The following KICS2 variants were observed in gnomAD, a reference collection of about 807,000 sequenced individuals.
The protein encoded by KICS2 is KICSTOR subunit 2.
Under a neutral mutation model 31.4 loss-of-function variants are expected in KICS2, and 13 were observed. The ratio of observed to expected loss-of-function variants is 0.41; its 90% CI spans 0.27 to 0.66. The LOEUF (loss-of-function observed/expected upper bound fraction) is 0.66. Ranked by LOEUF, KICS2 falls within the 30% of genes least tolerant of loss-of-function variation. The pLI, the probability that KICS2 is intolerant of heterozygous loss-of-function variation, is 0.28. For synonymous variants in KICS2, 209 were observed against 214.8 expected, an observed-to-expected ratio of 0.97 and a Z score of 0.24; for missense variants, 455 against 545.4, an observed-to-expected ratio of 0.83 and a Z score of 1.65.
chr12:64,208,995 A>G (rs906543110), intron 2 of KICS2, among the ~76,000 whole-genome samples: 1 of 151,740 alleles, frequency 6.6e-6, no homozygotes, highest in Admixed American at 6.6e-5. Context: ...TTTTATACCC[A>G]CAAACAATAA....
chr12:64,200,786 T>C (rs1305616317), intron 2 of KICS2, among the ~76,000 whole-genome samples: 1 of 64,312 alleles, frequency 1.6e-5, no homozygotes, highest in Non-Finnish European at 3.1e-5. Flanking sequence ...CATCAAAAAG[T>C]TGGCGAAGGA....
chr12:64,203,898 G>A (rs1051304495), intron 2 of KICS2, among the ~76,000 whole-genome samples: 20 of 152,170 alleles, frequency 1.3e-4, no homozygotes, highest in African/African-American at 4.6e-4. Context: ...GTGAGATTAA[G>A]TCTAATAATA....
rs2037397952 is a variant in KICS2, at chr12:64,193,201, C to T, written c.*641G>A. 1 of 985,258 alleles carries T rather than the reference C, an allele frequency of 1.0e-6. No individual in the cohort carries two copies. Among genetic ancestry groups the T allele is most frequent in the Non-Finnish European group, 1.2e-6 (1 of 829,972 alleles). 61.0% of individuals were successfully genotyped at this position (985,258 alleles called of 1,614,324 possible). A position where few individuals can be genotyped will look rare whatever the true frequency, so the allele number is the denominator to read the frequency against. ...GGTGTGTACATTACCCCAAAAGAAC[C>T]CATGGCTATTAAAGCTGCCATGAGG... On this transcript the variant is annotated 3_prime_UTR_variant, in exon 3 of 3. Coordinates refer to ENST00000398055, the MANE Select transcript of KICS2 (RefSeq NM_152440.5).
chr12:64,221,908 G>T, intron 1 of KICS2, 95 bp downstream of exon 1: 1 of 1,329,454 alleles, frequency 7.5e-7, no homozygotes, highest in Non-Finnish European at 1.0e-6. Flanking sequence ...GCGACTAGAA[G>T]TGACACAGAG....
Position 64,215,708 on chromosome 12 carries a change from A to C in KICS2, c.491T>G (p.Leu164Trp). Residue 164 changes from leucine (L) to tryptophan (W), a missense_variant, in exon 2 of 3, where the codon TTG becomes TGG. Leu to Trp is a moderately conservative substitution (Grantham distance 61). Transcript: ENST00000398055. ...GCTGTATTTTTTCATGATGGCATCC[A>C]AAAGGCCAACGAGCTCTTCAGCATT... ...FINAEELVGLLDAIMKKYSSR... is the reference protein window; with the variant it reads ...FINAEELVGLWDAIMKKYSSR... 1 of 1,613,612 alleles carries C rather than the reference A, an allele frequency of 6.2e-7. No individual in the cohort carries two copies. The highest frequency in any genetic ancestry group is 8.5e-7 in the Non-Finnish European group (1 of 1,179,884).
In KICS2 at chr12:64,194,052, G is replaced by A; in HGVS notation, c.1128C>T (p.Asn376=). ...MIMTDRTSDL[N]SLEKVVHFYD... The stretch of plus-strand genomic sequence containing the variant: ...AGAAGTGGACCACTTTCTCCAAGCT[G>A]TTCAGATCAGATGTGCGGTCCGTCA... The change falls in exon 3 of 3, where the codon AAC becomes AAT. Residue 376 remains asparagine (N), a synonymous_variant. Coordinates refer to ENST00000398055, the MANE Select transcript of KICS2 (RefSeq NM_152440.5). 6.2e-7 allele frequency: 1 copy of A among 1,614,138 alleles called. No homozygotes were observed. The highest frequency in any genetic ancestry group is 1.1e-5 in the South Asian group (1 of 91,080).
At chr12:64,206,803 T>C (rs1174886031) in intron 2 of KICS2, among the ~76,000 whole-genome samples, 1 of 152,116 alleles carries the variant, frequency 6.6e-6, no homozygotes, top group African/African-American at 2.4e-5. Flanking sequence ...AGACAAATAC[T>C]GTATGATTCT....
At chr12:64,198,958 C>T (rs1376541678) in intron 2 of KICS2, among the ~76,000 whole-genome samples, 6 of 149,670 alleles carry the variant, frequency 4.0e-5, no homozygotes, top group South Asian at 2.1e-4. Context: ...TGGCAATAAT[C>T]GATAGTTTAC....
At chr12:64,188,148 C>G (rs2037353010), downstream of KICS2, among the ~76,000 whole-genome samples, 1 of 152,184 alleles carries the variant, frequency 6.6e-6, no homozygotes, top group Non-Finnish European at 1.5e-5. Context: ...TCAGAGACTA[C>G]TGGTGTATGT....
chr12:64,210,852 C>A (rs2037576481), intron 2 of KICS2, among the ~76,000 whole-genome samples: 1 of 152,170 alleles, frequency 6.6e-6, no homozygotes, highest in African/African-American at 2.4e-5. Context: ...AGGAGACACA[C>A]ACACACACAC....
intron 2 of KICS2, among the ~76,000 whole-genome samples, chr12:64,212,147 A>C (rs575902792): frequency 6.6e-6 from 1 of 151,940 alleles, no homozygotes; most frequent in Admixed American, 6.5e-5. Flanking sequence ...ATTTTTTTTT[A>C]GTAACAGCTT....
intron 2 of KICS2, among the ~76,000 whole-genome samples, chr12:64,210,726 G>A (rs747673319): frequency 2.6e-5 from 4 of 152,172 alleles, no homozygotes; most frequent in Non-Finnish European, 5.9e-5. Context: ...GCAGTGAGCC[G>A]AGAGAGCGCC....
chr12:64,210,846 GAC>G (rs139454916), intron 2 of KICS2, among the ~76,000 whole-genome samples: 17 of 151,444 alleles, frequency 1.1e-4, no homozygotes, highest in East Asian at 7.7e-4. Flanking sequence ...AGTCCCAGGA[GAC>G]ACACACACAC....
At chr12:64,218,206 C>G (rs790017) in intron 1 of KICS2, among the ~76,000 whole-genome samples, 150,338 of 152,366 alleles carry the variant, frequency 0.99, 74,203 homozygotes, top group Middle Eastern at 1. Flanking sequence ...TGATTTTGTA[C>G]AGTGAAGGGT....
At chr12:64,194,746 C>T in intron 2 of KICS2, 88 bp from the exon 3 acceptor site, 2 of 1,454,438 alleles carry the variant, frequency 1.4e-6, no homozygotes, top group Non-Finnish European at 1.8e-6. Context: ...AACAAAATGG[C>T]CAAACATAAT....
intron 2 of KICS2, among the ~76,000 whole-genome samples, chr12:64,213,721 T>C (rs2037603901): frequency 6.6e-6 from 1 of 152,194 alleles, no homozygotes; most frequent in Admixed American, 6.5e-5. Context: ...CATTTCCAAA[T>C]GCCTGCTAAA....
At chr12:64,220,278 A>G (rs1253159437) in intron 1 of KICS2, among the ~76,000 whole-genome samples, 1 of 152,190 alleles carries the variant, frequency 6.6e-6, no homozygotes, top group African/African-American at 2.4e-5. Context: ...CACATTGAGG[A>G]CCACTTTACA....
chr12:64,196,088 G>A (rs2037433967), intron 2 of KICS2, among the ~76,000 whole-genome samples: 2 of 152,268 alleles, frequency 1.3e-5, no homozygotes, highest in Admixed American at 1.3e-4. Context: ...CCAACTGGGT[G>A]GAGCCCACCA....
At chr12:64,186,638 A>C (rs958786225), downstream of KICS2, 1 of 152,236 alleles carries the variant, frequency 6.6e-6, no homozygotes, top group Admixed American at 6.5e-5. Context: ...CTTTTAAAAA[A>C]TCAATCAGAG....
Sources: allele counts gnomAD v4.1 joint callset (sites outside exome capture counted in the v4.1 genomes callset), GRCh38; gene constraint gnomAD v4.1.1; transcripts MANE v1.5; gene names NCBI Gene and HGNC (gene_info 2026-07-23, HGNC 2026-07-21).